Variants in PTCH1 observed in about 807,000 individuals in gnomAD.
PTCH1 encodes protein patched homolog 1.
In PTCH1, 14 loss-of-function variants were observed where a neutral mutation model predicts 144.6. The ratio of observed to expected loss-of-function variants is 0.10; its 90% confidence interval spans 0.06 to 0.15. PTCH1 has a LOEUF of 0.15. PTCH1 is among the 10% of genes least tolerant of loss of function. PTCH1 has a pLI of 1.00. For synonymous variants in PTCH1, 833 were observed against 793.6 expected, an observed-to-expected ratio of 1.05 and a Z score of -0.83; for missense variants, 1,623 against 1,948.3, an observed-to-expected ratio of 0.83 and a Z score of 3.14.
chr9:95,503,101 C>G (rs1163372175), intron 2 of PTCH1, among the ~76,000 whole-genome samples: 1 of 152,158 alleles, frequency 6.6e-6, no homozygotes, highest in African/African-American at 2.4e-5. Flanking sequence ...CTAACTAGGG[C>G]AATATGCTAC....
In PTCH1 at chr9:95,444,539, CA is replaced by C. The variant is rs1837726077; in HGVS notation, c.*1853del. ...CACACACACACACACCCAGCAGCCA[CA>C]AGCGGCTCCCAATCAGCATCTTAAA... On this transcript the variant is annotated 3_prime_UTR_variant, in exon 24 of 24. Coordinates refer to ENST00000331920, the MANE Select transcript of PTCH1 (RefSeq NM_000264.5). The C allele has an allele frequency of 6.5e-6, 1 of 153,188 alleles. No homozygotes were observed. The highest frequency in any genetic ancestry group is 2.4e-5 in the African/African-American group (1 of 41,426). The allele number at this position is 153,188 out of a possible 1,614,324, so 9.5% of individuals were successfully genotyped here.
chr9:95,459,220 C>A (rs939296565), intron 17 of PTCH1, among the ~76,000 whole-genome samples: 4 of 152,196 alleles, frequency 2.6e-5, no homozygotes, highest in East Asian at 1.9e-4. Context: ...AAAATCCCTT[C>A]AACACCAGAG....
chr9:95,506,766 C>T (rs1843687883), intron 1 of PTCH1, 167 bp from the exon 2 acceptor site: 1 of 1,061,840 alleles, frequency 9.4e-7, no homozygotes, highest in Non-Finnish European at 1.2e-6. Flanking sequence ...ATCTGAGCGT[C>T]ATGGGGGGCT....
rs145922731 is a variant in PTCH1 at position 95,506,816 on chromosome 9, G to A, written c.202-217C>T. The A allele has an allele frequency of 0.01, 11,710 of 1,135,214 alleles. 78 individuals carry two copies. The highest frequency in any genetic ancestry group is 0.016 in the Middle Eastern group (47 of 2,988). 70.3% of individuals were successfully genotyped at this position (1,135,214 alleles called of 1,614,324 possible). Reference sequence around the variant, plus strand: ...GGCCGCAGCGTGGGAGCTGCACCTCGGGGACATCAGGGCGCCCCCACCCGC... The same window carrying A: ...GGCCGCAGCGTGGGAGCTGCACCTCAGGGACATCAGGGCGCCCCCACCCGC... On this transcript the variant is annotated intron_variant, in intron 1 of 23. Transcript: ENST00000331920.
rs1264348727 is a variant in PTCH1, at chr9:95,485,603, T to G, written c.584+82A>C. On this transcript the variant is annotated intron_variant, in intron 3 of 23. Transcript: ENST00000331920. ...GCATTTCCAGGGCAACTTCATTTAC[T>G]AAAATAACGGGGCCTAAACCAGCAG... 1.9e-6 allele frequency: 3 copies of G among 1,546,532 alleles called. No homozygotes were observed. The East Asian group carries it at 6.8e-5, about 35-fold the overall frequency.
At chr9:95,453,139 AT>A (rs746766521) in intron 20 of PTCH1, 5,248 of 284,622 alleles carry the variant, frequency 0.018, no homozygotes, top group South Asian at 0.036. Context: ...TAATAACAAT[AT>A]TTTTTTTTTT....
chr9:95,450,881 G>A (rs1383615432), intron 20 of PTCH1: 5 of 152,214 alleles, frequency 3.3e-5, no homozygotes, highest in Non-Finnish European at 5.9e-5. Context: ...GCCTCTGGCA[G>A]ACACTCTGCA....
chr9:95,476,673 A>T lies in PTCH1; in HGVS notation c.1602+86T>A. The T allele has an allele frequency of 7.6e-7, 1 of 1,310,220 alleles. No homozygotes were observed. Among genetic ancestry groups the T allele is most frequent in the Admixed American group, 2.0e-5 (1 of 51,190 alleles). The allele number at this position is 1,310,220 out of a possible 1,614,324, so 81.2% of individuals were successfully genotyped here. On this transcript the variant is annotated intron_variant, in intron 11 of 23. Transcript: ENST00000331920. This position sits in a 1 kb window ranked among gnomAD's most constrained non-coding sequence, Gnocchi z 4.6. Reference sequence around the variant, plus strand: ...ATGGGACTGAAATCTTTACTGGGTCAGACTGAGGAAAATTAAAGGACAAAT... The same window carrying T: ...ATGGGACTGAAATCTTTACTGGGTCTGACTGAGGAAAATTAAAGGACAAAT...
At chr9:95,452,247 C>T (rs1021170813) in intron 20 of PTCH1, 2 of 152,146 alleles carry the variant, frequency 1.3e-5, no homozygotes, top group African/African-American at 4.8e-5. Flanking sequence ...TCATCTCTTT[C>T]CCGTAATAAA....
At position 95,476,991 on chromosome 9, in the gene PTCH1, T is replaced by G; in HGVS notation, c.1504-134A>C. ...GCTTCCGTAACCTCATGGTGAAGAA[T>G]TCACTTGACGTCCCAAAGCCTAGCC... On this transcript the variant is annotated intron_variant, in intron 10 of 23. Transcript: ENST00000331920. The surrounding 1 kb of genome is among the most constrained non-coding windows in gnomAD (Gnocchi z 4.6). 1 of 835,650 alleles carries G rather than the reference T, an allele frequency of 1.2e-6. No homozygotes were observed. Among genetic ancestry groups the G allele is most frequent in the Non-Finnish European group, 2.0e-6 (1 of 497,090 alleles). The allele number at this position is 835,650 out of a possible 1,614,324, so 51.8% of individuals were successfully genotyped here. A position where few individuals can be genotyped will look rare whatever the true frequency, so the allele number is the denominator to read the frequency against.
chr9:95,491,199 T>C (rs1842385467), intron 2 of PTCH1, among the ~76,000 whole-genome samples: 1 of 152,174 alleles, frequency 6.6e-6, no homozygotes, highest in African/African-American at 2.4e-5. Flanking sequence ...TTTGAGACCA[T>C]ATTCTTTACG....
rs1002262728 is a variant in PTCH1 at position 95,449,674 on chromosome 9, A to G, written c.3549+167T>C. On this transcript the variant is annotated intron_variant, in intron 21 of 23. Coordinates refer to ENST00000331920, the MANE Select transcript of PTCH1 (RefSeq NM_000264.5). The surrounding 1 kb of genome is among the most constrained non-coding windows in gnomAD (Gnocchi z 5.3). ...AGGAACCAAACCGAACCCGCCCTCT[A>G]GCCCTCAAAGCCAGTACACCGAAGA... 2.6e-6 allele frequency: 2 copies of G among 762,506 alleles called. No homozygotes were observed. Among genetic ancestry groups the G allele is most frequent in the African/African-American group, 3.5e-5 (2 of 57,516 alleles). 47.2% of individuals were successfully genotyped at this position (762,506 alleles called of 1,614,324 possible). A position where few individuals can be genotyped will look rare whatever the true frequency, so the allele number is the denominator to read the frequency against.
At chr9:95,496,012 T>C (rs1842763060) in intron 2 of PTCH1, among the ~76,000 whole-genome samples, 1 of 152,192 alleles carries the variant, frequency 6.6e-6, no homozygotes, top group Non-Finnish European at 1.5e-5. Flanking sequence ...GCCGTATCTG[T>C]TATATTTCTG....
intron 2 of PTCH1, among the ~76,000 whole-genome samples, chr9:95,490,880 C>G (rs531520225): frequency 6.6e-6 from 1 of 152,192 alleles, no homozygotes; most frequent in African/African-American, 2.4e-5. Flanking sequence ...AGAATGTTCT[C>G]AACACAAAAA....
At chr9:95,459,021 T>C (rs1839218040) in intron 17 of PTCH1, among the ~76,000 whole-genome samples, 1 of 152,120 alleles carries the variant, frequency 6.6e-6, no homozygotes, top group Non-Finnish European at 1.5e-5. Flanking sequence ...TGGCCCGGTA[T>C]CCAAAGCATA....
rs1241082201 is a variant in PTCH1, at chr9:95,468,906, A to C, written c.2095T>G (p.Cys699Gly). 2 of 1,614,034 alleles carry C rather than the reference A, an allele frequency of 1.2e-6. No individual in the cohort carries two copies. Among genetic ancestry groups the C allele is most frequent in the Non-Finnish European group, 1.7e-6 (2 of 1,180,046 alleles). ...PVTVTQDTLS[C>G]QSPESTSSTR... The stretch of plus-strand genomic sequence containing the variant: ...GAGCTGGTGCTCTCTGGGCTCTGGC[A>C]GCTGAGGGTGTCCTGTGTCACGGTG... The change falls in exon 14 of 24, where the codon TGC (cysteine) becomes GGC (glycine). Residue 699 changes from cysteine to glycine, a missense_variant. Cys to Gly is a radical substitution (Grantham distance 159, BLOSUM62 -3). Transcript: ENST00000331920.
intron 20 of PTCH1, 138 bp from the exon 21 acceptor site, chr9:95,450,078 A>G: frequency 1.3e-6 from 1 of 785,150 alleles, no homozygotes; most frequent in Non-Finnish European, 2.2e-6. Flanking sequence ...ATCCAACCGC[A>G]GTTCACATTC....
rs1233236517 is a variant in PTCH1 at position 95,449,754 on chromosome 9, G to A, written c.3549+87C>T. The A allele has an allele frequency of 5.8e-6, 7 of 1,210,588 alleles. No individual in the cohort carries two copies. The highest frequency in any genetic ancestry group is 7.3e-6 in the Non-Finnish European group (6 of 825,964). 75.0% of individuals were successfully genotyped at this position (1,210,588 alleles called of 1,614,324 possible). ...CTGAAGAACCACCAGCAAGTGGGGA[G>A]GCACCTAAGTATCGAAGTGAAGAGC... On this transcript the variant is annotated intron_variant, in intron 21 of 23. Transcript: ENST00000331920. The surrounding 1 kb of genome is among the most constrained non-coding windows in gnomAD (Gnocchi z 5.3).
At chr9:95,506,789 C>T (rs1843692218) in intron 1 of PTCH1, 190 bp from the exon 2 acceptor site, 2 of 1,092,598 alleles carry the variant, frequency 1.8e-6, no homozygotes, top group Non-Finnish European at 2.3e-6. Context: ...GTCATAAAGC[C>T]GGGCCGCAGC....
Sources: gnomAD v4.1 joint callset for allele counts (sites outside exome capture counted in the v4.1 genomes callset) on GRCh38, gnomAD v4.1.1 for gene constraint, Gnocchi (gnomAD v3.1) non-coding constraint, MANE v1.5 for transcripts, NCBI Gene and HGNC (gene_info 2026-07-23, HGNC 2026-07-21) for gene names.